UNC13C: variants seen among roughly 807,000 people sequenced by gnomAD.
The protein encoded by UNC13C is protein unc-13 homolog C.
Under a neutral mutation model 245.4 loss-of-function variants are expected in UNC13C, and 174 were observed. That is an observed-to-expected ratio of 0.71 (90% CI 0.63 to 0.80). The LOEUF is 0.80. Among genes scored for constraint, UNC13C ranks in the 30% least tolerant of loss-of-function variants. The probability of loss-of-function intolerance (pLI) is 0.00; values close to 1 mark genes in which losing one functional copy is unlikely to be tolerated. For synonymous variants in UNC13C, 992 were observed against 895.1 expected (o/e 1.11, Z -1.93); for missense variants, 2,829 against 2,602.9 (o/e 1.09, Z -1.89).
chr15:54,475,344 A>C (rs1274733572), intron 19 of UNC13C, among the ~76,000 whole-genome samples: 1 of 150,794 alleles, frequency 6.6e-6, no homozygotes, highest in Non-Finnish European at 1.5e-5. Context: ...TTTAGGGTAC[A>C]TGTGCACAAT....
intron 13 of UNC13C, among the ~76,000 whole-genome samples, chr15:54,302,483 G>A (rs1162190753): frequency 6.6e-6 from 1 of 152,088 alleles, no homozygotes; most frequent in Non-Finnish European, 1.5e-5. Flanking sequence ...TGTAAGGAAG[G>A]GATCCAGTTT....
At chr15:54,589,343 G>A (rs1221534297) in intron 30 of UNC13C, among the ~76,000 whole-genome samples, 11 of 113,714 alleles carry the variant, frequency 9.7e-5, no homozygotes, top group African/African-American at 3.7e-4. Context: ...CTGTCACCCA[G>A]GCTGGAGTGC....
the UNC13C span, among the ~76,000 whole-genome samples, chr15:53,970,744 G>A: frequency 3.3e-5 from 5 of 152,218 alleles, no homozygotes; most frequent in African/African-American, 1.2e-4. Context: ...TAATACTTAC[G>A]TGTTGCGTTG....
rs367772390 is a variant in UNC13C, at chr15:54,438,894, A to C, written c.4933+23827A>C. Among the ~76,000 whole-genome samples the C allele has an allele frequency of 8.5e-5, 13 of 152,116 alleles. No individual in the cohort carries two copies. The East Asian group carries it at 1.9e-3, about 23-fold the overall frequency. ...ACCTTTACACTTTACTCAGAGTCCAAGCTCTTAACTCAATACCTTGTGTTG... is the reference window on the plus strand; with the variant it reads ...ACCTTTACACTTTACTCAGAGTCCACGCTCTTAACTCAATACCTTGTGTTG... On this transcript the variant is annotated intron_variant, in intron 19 of 32. Transcript: ENST00000260323.
At chr15:53,873,854 C>CCTCTCTCT in the UNC13C span, among the ~76,000 whole-genome samples, 1 of 131,538 alleles carries the variant, frequency 7.6e-6, no homozygotes, top group Admixed American at 7.7e-5. Context: ...AGCATCTATC[C>CCTCTCTCT]CTCTCTCTCT....
intron 2 of UNC13C, among the ~76,000 whole-genome samples, chr15:54,115,521 G>T (rs956771896): frequency 5.9e-5 from 9 of 151,732 alleles, no homozygotes; most frequent in African/African-American, 2.2e-4. Flanking sequence ...ACATAATCGA[G>T]GTACATATTT....
intron 1 of UNC13C, among the ~76,000 whole-genome samples, chr15:54,010,646 G>A (rs981598802): frequency 6.6e-6 from 1 of 152,178 alleles, no homozygotes; most frequent in African/African-American, 2.4e-5. Flanking sequence ...AACGTTTCAA[G>A]AAGGAGGACA....
chr15:54,186,637 G>A (rs2033993536), intron 4 of UNC13C, among the ~76,000 whole-genome samples: 1 of 151,652 alleles, frequency 6.6e-6, no homozygotes, highest in African/African-American at 2.4e-5. Flanking sequence ...CACACTGTGG[G>A]AAATATTTAA....
At chr15:53,917,336 C>G in the UNC13C span, among the ~76,000 whole-genome samples, 2 of 152,148 alleles carry the variant, frequency 1.3e-5, no homozygotes, top group African/African-American at 4.8e-5. Flanking sequence ...TTCTTTCTAG[C>G]TGACACAGCT....
chr15:54,039,700 C>T (rs574783102), intron 2 of UNC13C, among the ~76,000 whole-genome samples: 8 of 152,154 alleles, frequency 5.3e-5, no homozygotes, highest in East Asian at 1.9e-4. Context: ...AAGATGACCA[C>T]GCTTATATTT....
At chr15:53,937,072 A>G in the UNC13C span, among the ~76,000 whole-genome samples, 2 of 152,216 alleles carry the variant, frequency 1.3e-5, no homozygotes, top group Admixed American at 6.5e-5. Context: ...AAGGTGGATA[A>G]TAACAAACTT....
chr15:54,444,281 G>A (rs1341652472), intron 19 of UNC13C, among the ~76,000 whole-genome samples: 1 of 150,610 alleles, frequency 6.6e-6, no homozygotes, highest in African/African-American at 2.4e-5. Flanking sequence ...TTTGATAAAT[G>A]TATATATATA....
At chr15:54,040,650 A>G (rs767132700) in intron 2 of UNC13C, among the ~76,000 whole-genome samples, 3 of 152,164 alleles carry the variant, frequency 2.0e-5, no homozygotes, top group Non-Finnish European at 4.4e-5. Flanking sequence ...AGCTTGCCCC[A>G]AGTACTGGCT....
intron 19 of UNC13C, among the ~76,000 whole-genome samples, chr15:54,425,299 T>C (rs544829697): frequency 6.6e-6 from 1 of 151,466 alleles, no homozygotes; most frequent in South Asian, 2.1e-4. Flanking sequence ...ACGAAAGCAG[T>C]AAGTAAAAGG....
chr15:54,191,018 T>C (rs2034163944), intron 4 of UNC13C, among the ~76,000 whole-genome samples: 3 of 152,136 alleles, frequency 2.0e-5, no homozygotes, highest in Admixed American at 2.0e-4. Context: ...TTAGTTTAGT[T>C]CCTCAATTTT....
the UNC13C span, among the ~76,000 whole-genome samples, chr15:53,946,442 C>CTTT: frequency 1.5e-5 from 1 of 68,948 alleles, no homozygotes; most frequent in Non-Finnish European, 3.2e-5. Flanking sequence ...CTGAGGTGTT[C>CTTT]TTTTTTTTGT....
chr15:54,029,890 A>C (rs985130410), intron 2 of UNC13C, among the ~76,000 whole-genome samples: 1 of 152,154 alleles, frequency 6.6e-6, no homozygotes, highest in Non-Finnish European at 1.5e-5. Context: ...TCATCTTTTC[A>C]GATCTCTGCC....
intron 1 of UNC13C, among the ~76,000 whole-genome samples, chr15:54,000,476 A>G (rs1341746992): frequency 3.9e-5 from 6 of 152,162 alleles, no homozygotes; most frequent in African/African-American, 1.4e-4. Context: ...CATAGCATAA[A>G]TCTATAGTTA....
intron 4 of UNC13C, among the ~76,000 whole-genome samples, chr15:54,214,467 A>G (rs912798732): frequency 3.9e-5 from 6 of 151,914 alleles, no homozygotes; most frequent in African/African-American, 1.4e-4. Flanking sequence ...ACATTGTCTA[A>G]TAATAAGAGG....
Sources: gnomAD v4.1 joint callset for allele counts (sites outside exome capture counted in the v4.1 genomes callset) on GRCh38, gnomAD v4.1.1 for gene constraint, MANE v1.5 for transcripts, NCBI Gene and HGNC (gene_info 2026-07-23, HGNC 2026-07-21) for gene names.